The following ADCY10 variants were observed in gnomAD, a reference collection of about 807,000 sequenced individuals.
ADCY10 encodes the protein adenylate cyclase type 10.
Under a neutral mutation model 183.3 loss-of-function variants are expected in ADCY10, and 156 were observed. The observed-to-expected ratio is 0.85, with a 90% confidence interval of 0.75 to 0.97. The LOEUF (loss-of-function observed/expected upper bound fraction) is 0.97, where lower values mean the gene tolerates loss of function less well. Among genes scored for constraint, ADCY10 ranks in the 50% least tolerant of loss-of-function variants. The pLI is 0.00. For synonymous variants in ADCY10, 645 were observed against 670.0 expected, an observed-to-expected ratio of 0.96 and a Z score of 0.58; for missense variants, 1,745 against 1,934.3, an observed-to-expected ratio of 0.90 and a Z score of 1.84.
chr1:167,882,421 G>C (rs1174830662), intron 9 of ADCY10, among the ~76,000 whole-genome samples: 5 of 146,122 alleles, frequency 3.4e-5, no homozygotes, highest in African/African-American at 1.3e-4. Flanking sequence ...GGAGGCGGAG[G>C]TTTCAGTGAG....
intron 1 of ADCY10, among the ~76,000 whole-genome samples, chr1:167,912,193 A>G (rs998785620): frequency 1.3e-5 from 2 of 152,216 alleles, no homozygotes; most frequent in East Asian, 1.9e-4. Context: ...GGAGTTATTA[A>G]GAAATTATTT....
chr1:167,904,486 G>T (rs1249215973), intron 2 of ADCY10: 1 of 219,498 alleles, frequency 4.6e-6, no homozygotes, highest in African/African-American at 2.3e-5. Context: ...TTAGGGGTCA[G>T]GAAAAGGCTC....
chr1:167,913,573 A>AT (rs1273879464), intron 1 of ADCY10, among the ~76,000 whole-genome samples: 1 of 152,100 alleles, frequency 6.6e-6, no homozygotes, highest in East Asian at 1.9e-4. Context: ...AATTGCTTCT[A>AT]TTTTGTCTTC....
intron 30 of ADCY10, 170 bp from the exon 31 acceptor site, chr1:167,818,437 T>C (rs1243456356): frequency 2.6e-6 from 2 of 754,780 alleles, no homozygotes; most frequent in African/African-American, 3.4e-5. Flanking sequence ...AATTATGTGA[T>C]ACAGAGCAAG....
chr1:167,824,360 T>G, intron 28 of ADCY10, 116 bp downstream of exon 28: 1 of 873,340 alleles, frequency 1.1e-6, no homozygotes, highest in South Asian at 1.3e-5. Flanking sequence ...AGTTACATTT[T>G]CTTACTGCAA....
At chr1:167,891,257 G>T (rs1030886458) in intron 8 of ADCY10, among the ~76,000 whole-genome samples, 7 of 151,984 alleles carry the variant, frequency 4.6e-5, no homozygotes, top group African/African-American at 1.7e-4. Context: ...ATCACGCTTG[G>T]CTCATCTAAC....
intron 3 of ADCY10, among the ~76,000 whole-genome samples, chr1:167,902,426 T>G (rs1342771448): frequency 6.6e-6 from 1 of 152,190 alleles, no homozygotes; most frequent in African/African-American, 2.4e-5. Context: ...CATGGGTGGG[T>G]GGATGAATGA....
At chr1:167,886,877 T>C (rs577292610) in intron 8 of ADCY10, among the ~76,000 whole-genome samples, 2 of 152,240 alleles carry the variant, frequency 1.3e-5, no homozygotes, top group South Asian at 4.1e-4. Flanking sequence ...CATCAAAAAG[T>C]GGGCAAAGGA....
intron 1 of ADCY10, among the ~76,000 whole-genome samples, chr1:167,911,264 G>A (rs185919695): frequency 7.2e-5 from 11 of 152,290 alleles, no homozygotes; most frequent in Admixed American, 3.9e-4. Context: ...GTCTAATTAG[G>A]AATAAATAGT....
At chr1:167,836,622 G>T (rs1664223418) in intron 22 of ADCY10, 82 bp from the exon 23 acceptor site, 3 of 1,000,832 alleles carry the variant, frequency 3.0e-6, no homozygotes, top group Admixed American at 3.8e-5. Context: ...AGACGCGGTG[G>T]CTCACGCCTG....
intron 8 of ADCY10, among the ~76,000 whole-genome samples, chr1:167,891,580 C>T (rs1364521936): frequency 5.3e-5 from 8 of 150,490 alleles, no homozygotes; most frequent in African/African-American, 9.8e-5. Context: ...GGCATGAACC[C>T]GGGAGGCGGA....
chr1:167,873,438 G>C (rs927123689), intron 13 of ADCY10, among the ~76,000 whole-genome samples: 3 of 152,174 alleles, frequency 2.0e-5, no homozygotes, highest in Admixed American at 6.5e-5. Context: ...GTGTGAGACA[G>C]AGCCTCCTCT....
intron 3 of ADCY10, 50 bp from the exon 4 acceptor site, chr1:167,902,104 TAAA>T (rs748649541): frequency 1.3e-6 from 2 of 1,528,548 alleles, no homozygotes; most frequent in Non-Finnish European, 1.8e-6. Context: ...TTAAAGGTAG[TAAA>T]AAAACATCAT....
intron 30 of ADCY10, among the ~76,000 whole-genome samples, chr1:167,819,009 G>T (rs757213540): frequency 2.0e-5 from 3 of 152,132 alleles, no homozygotes; most frequent in Non-Finnish European, 2.9e-5. Context: ...ATTAATGCAG[G>T]TTCTCTGGTT....
chr1:167,821,964 T>C, intron 30 of ADCY10, 60 bp downstream of exon 30: 2 of 1,178,462 alleles, frequency 1.7e-6, no homozygotes, highest in Non-Finnish European at 2.6e-6. Context: ...TTTCAAGAAC[T>C]CTTCCTTGGG....
chr1:167,818,076 A>T lies in ADCY10; in HGVS notation c.4478T>A (p.Leu1493His), dbSNP rs1662637692. ...ENAQASGEEL[L>H]KNLENLVAQN... ...AAACTGGAGAATAGGCCTCACCTTG[A>T]GTAGCTCCTCCCCACTGGCTTGGGC... Residue 1493 changes from leucine (L) to histidine (H), a missense_variant, in exon 31 of 33, where the codon CTC becomes CAC. Transcript: ENST00000367851. 1 of 1,614,060 alleles carries T rather than the reference A, an allele frequency of 6.2e-7. No individual in the cohort carries two copies. The highest frequency in any genetic ancestry group is 1.7e-5 in the Admixed American group (1 of 60,002).
intron 3 of ADCY10, among the ~76,000 whole-genome samples, 153 bp downstream of exon 3, chr1:167,903,734 A>AGT (rs1669605634): frequency 6.6e-6 from 1 of 152,218 alleles, no homozygotes; most frequent in African/African-American, 2.4e-5. Flanking sequence ...CAGTTATACT[A>AGT]TATCATATTT....
chr1:167,885,768 C>T (rs1668180028), intron 8 of ADCY10, among the ~76,000 whole-genome samples: 1 of 152,106 alleles, frequency 6.6e-6, no homozygotes, highest in Admixed American at 6.6e-5. Context: ...GCGCCCACCA[C>T]TACGCCCAGC....
chr1:167,902,659 A>G (rs534676337), intron 3 of ADCY10, among the ~76,000 whole-genome samples: 23 of 152,356 alleles, frequency 1.5e-4, no homozygotes, highest in African/African-American at 5.3e-4. Flanking sequence ...ATGAAGCATT[A>G]AATTTTGTCT....
Sources: gnomAD v4.1 joint callset for allele counts (sites outside exome capture counted in the v4.1 genomes callset) on GRCh38, gnomAD v4.1.1 for gene constraint, MANE v1.5 for transcripts, NCBI Gene and HGNC (gene_info 2026-07-23, HGNC 2026-07-21) for gene names.